TMCO4: variants seen among roughly 807,000 people sequenced by gnomAD.
TMCO4 encodes the protein transmembrane and coiled-coil domains 4.
In TMCO4, 58 loss-of-function variants were observed where a neutral mutation model predicts 64.7. That is an observed-to-expected ratio of 0.90 (90% confidence interval 0.73 to 1.12). The LOEUF (loss-of-function observed/expected upper bound fraction) is 1.12, where lower values mean the gene tolerates loss of function less well. Among genes scored for constraint, TMCO4 ranks in the 50% most tolerant of loss-of-function variants. The pLI, the probability that TMCO4 is intolerant of heterozygous loss-of-function variation, is 0.00. For missense variants in TMCO4, 780 were observed against 825.9 expected, an observed-to-expected ratio of 0.94 and a Z score of 0.68; for synonymous variants, 325 against 346.1, an observed-to-expected ratio of 0.94 and a Z score of 0.68.
chr1:19,688,530 A>G (rs1182564236), intron 15 of TMCO4, among the ~76,000 whole-genome samples: 1 of 152,130 alleles, frequency 6.6e-6, no homozygotes, highest in Non-Finnish European at 1.5e-5. Context: ...AGAGACCTAT[A>G]CCACGTGGGC....
At position 19,734,799 on chromosome 1, in the gene TMCO4, G is replaced by A. The variant is rs779715872; in HGVS notation, c.1264+2573C>T. ...CTCCCTGGGCCTGAATCCTGGCTCT[G>A]GCACTTAGGATTCTTGTGGCTTCAC... On this transcript the variant is annotated intron_variant, in intron 13 of 15. Coordinates refer to ENST00000294543, the MANE Select transcript of TMCO4 (RefSeq NM_181719.7). This position sits in a 1 kb window ranked among gnomAD's most constrained non-coding sequence, Gnocchi z 4.4. 4.6e-5 allele frequency among the ~76,000 whole-genome samples: 7 copies of A among 152,112 alleles called. No individual in the cohort carries two copies. Among genetic ancestry groups the A allele is most frequent in the Non-Finnish European group, 8.8e-5 (6 of 68,004 alleles).
chr1:19,792,935 C>A (rs976420472), intron 2 of TMCO4, among the ~76,000 whole-genome samples: 1 of 151,892 alleles, frequency 6.6e-6, no homozygotes, highest in African/African-American at 2.4e-5. Flanking sequence ...GATGCCTGGC[C>A]AAGTTTTGTA....
chr1:19,747,332 C>G, intron 7 of TMCO4, 72 bp from the exon 8 acceptor site: 1 of 1,337,152 alleles, frequency 7.5e-7, no homozygotes, highest in Non-Finnish European at 1.1e-6. Flanking sequence ...ACCACACCAA[C>G]CCTCAAACAG....
In TMCO4 at chr1:19,734,881, T is replaced by A. The variant is rs1285319693; in HGVS notation, c.1264+2491A>T. On this transcript the variant is annotated intron_variant, in intron 13 of 15. Coordinates refer to ENST00000294543, the MANE Select transcript of TMCO4 (RefSeq NM_181719.7). The surrounding 1 kb of genome is among the most constrained non-coding windows in gnomAD (Gnocchi z 4.4). ...GGAGACTGGTGGAACCTCCCTCCTGTGGCTGCAGTGAGGGAGGAATGTGAT... is the reference window on the plus strand; with the variant it reads ...GGAGACTGGTGGAACCTCCCTCCTGAGGCTGCAGTGAGGGAGGAATGTGAT... Among the ~76,000 whole-genome samples, 1 of 152,180 alleles carries A rather than the reference T, an allele frequency of 6.6e-6. No homozygotes were observed. Among genetic ancestry groups the A allele is most frequent in the Non-Finnish European group, 1.5e-5 (1 of 68,024 alleles).
chr1:19,715,430 G>A (rs1000915115), intron 13 of TMCO4, among the ~76,000 whole-genome samples: 1 of 152,138 alleles, frequency 6.6e-6, no homozygotes, highest in African/African-American at 2.4e-5. Flanking sequence ...ATTGTTTTTA[G>A]AGACTGGTTT....
intron 7 of TMCO4, among the ~76,000 whole-genome samples, chr1:19,753,262 T>C (rs1175076534): frequency 6.6e-6 from 1 of 152,152 alleles, no homozygotes; most frequent in East Asian, 1.9e-4. Flanking sequence ...GCCTGGCCTA[T>C]GTGAGCAGTA....
chr1:19,749,845 C>T (rs1157120883), intron 7 of TMCO4, among the ~76,000 whole-genome samples: 1 of 152,194 alleles, frequency 6.6e-6, no homozygotes, highest in African/African-American at 2.4e-5. Context: ...AAGAAATACA[C>T]CTTTAATCCT....
Position 19,776,443 on chromosome 1 carries a change from G to A in TMCO4, c.179+4137C>T, listed in dbSNP as rs1488980867. On this transcript the variant is annotated intron_variant, in intron 4 of 15. Coordinates refer to ENST00000294543, the MANE Select transcript of TMCO4 (RefSeq NM_181719.7). ...TGCCCTCCTAAGTAGCGCCTAGTAT[G>A]GGCCTGGCACACAGTCCAGATTCAT... Among the ~76,000 whole-genome samples, 10 of 152,272 alleles carry A rather than the reference G, an allele frequency of 6.6e-5. No individual in the cohort carries two copies. In the East Asian group the frequency reaches 1.5e-3, roughly 24 times the overall value.
At chr1:19,761,828 C>G (rs140534539) in intron 6 of TMCO4, among the ~76,000 whole-genome samples, 1 of 152,338 alleles carries the variant, frequency 6.6e-6, no homozygotes, top group African/African-American at 2.4e-5. Flanking sequence ...TGAGCTCCTC[C>G]CAGTCTGAGA....
chr1:19,695,630 C>A (rs1040067026), intron 14 of TMCO4, among the ~76,000 whole-genome samples: 2 of 152,188 alleles, frequency 1.3e-5, no homozygotes, highest in Non-Finnish European at 2.9e-5. Flanking sequence ...GTCTATGTGC[C>A]CTGCTGTGTG....
chr1:19,761,370 C>T lies in TMCO4; in HGVS notation c.383-5604G>A, dbSNP rs570065982. On this transcript the variant is annotated intron_variant, in intron 6 of 15. Coordinates refer to ENST00000294543, the MANE Select transcript of TMCO4 (RefSeq NM_181719.7). Reference sequence around the variant, plus strand: ...TAAATCAGCCCATGATCAATGGGTGCTGCAACATCCCCCCATTGCTCCTGA... The same window carrying T: ...TAAATCAGCCCATGATCAATGGGTGTTGCAACATCCCCCCATTGCTCCTGA... 3.0e-3 allele frequency among the ~76,000 whole-genome samples: 457 copies of T among 152,344 alleles called. 1 individual carries two copies. Among genetic ancestry groups the T allele is most frequent in the African/African-American group, 0.01 (431 of 41,586 alleles).
rs559423736 is a variant in TMCO4 at position 19,726,961 on chromosome 1, C to T, written c.1264+10411G>A. 1.2e-3 allele frequency among the ~76,000 whole-genome samples: 181 copies of T among 152,350 alleles called. 1 individual carries two copies. Among genetic ancestry groups the T allele is most frequent in the Non-Finnish European group, 1.4e-3 (92 of 68,040 alleles). On this transcript the variant is annotated intron_variant, in intron 13 of 15. Transcript: ENST00000294543. ...CCCCCTCCTGTGGGGTGCATCTGAA[C>T]ATGTGGCGGGACTGCTCTGAGAATC...
chr1:19,740,465 C>T (rs1432322697), intron 11 of TMCO4, among the ~76,000 whole-genome samples: 1 of 152,094 alleles, frequency 6.6e-6, no homozygotes, highest in African/African-American at 2.4e-5. Flanking sequence ...GTTGGCTGAC[C>T]CACAGGCCTA....
chr1:19,739,880 G>A lies in TMCO4; in HGVS notation c.1123C>T (p.His375Tyr), dbSNP rs1348030164. 1.9e-6 allele frequency: 3 copies of A among 1,613,914 alleles called. No homozygotes were observed. The highest frequency in any genetic ancestry group is 2.5e-6 in the Non-Finnish European group (3 of 1,179,988). The change falls in exon 12 of 16, where the codon CAT (histidine) becomes TAT (tyrosine). Residue 375 changes from histidine (H) to tyrosine (Y), a missense_variant. His to Tyr is a moderately conservative substitution (Grantham distance 83). Coordinates refer to ENST00000294543, the MANE Select transcript of TMCO4 (RefSeq NM_181719.7). ...TGCTTGCCAACCTCTGCTGATCGAT[G>A]GAGACACACCCCCCAGGGGTTGTCG... ...VIDNPWGVCL[H>Y]RSAEVGKHLA...
At chr1:19,716,237 C>A (rs796483998) in intron 13 of TMCO4, among the ~76,000 whole-genome samples, 1 of 149,764 alleles carries the variant, frequency 6.7e-6, no homozygotes, top group South Asian at 2.1e-4. Flanking sequence ...CAGGCTGGAG[C>A]GCAGTGGCAC....
chr1:19,686,037 G>A (rs1352515705), intron 15 of TMCO4, among the ~76,000 whole-genome samples: 1 of 152,186 alleles, frequency 6.6e-6, no homozygotes, highest in South Asian at 2.1e-4. Flanking sequence ...ATCCAGGCCT[G>A]TTTCTAAAGC....
At chr1:19,738,563 C>G (rs2095465910) in intron 12 of TMCO4, 1 of 152,236 alleles carries the variant, frequency 6.6e-6, no homozygotes. Flanking sequence ...TCATCTTGCT[C>G]CAGATATTGA....
chr1:19,684,041 C>T (rs2092391), intron 15 of TMCO4, among the ~76,000 whole-genome samples: 177 of 127,724 alleles, frequency 1.4e-3, no homozygotes, highest in African/African-American at 5.3e-3. Context: ...GGATTACAGG[C>T]GTGAGCCACT....
rs777797495 is a variant in TMCO4 at position 19,746,578 on chromosome 1, G to A, written c.635C>T (p.Ala212Val). 1.9e-6 allele frequency: 3 copies of A among 1,610,854 alleles called. No homozygotes were observed. The highest frequency in any genetic ancestry group is 2.2e-5 in the South Asian group (2 of 90,368). ...CGCTGCTCCAGCGGCAACAAGGGGT[G>A]CAGCTAGACCTCCAGTCACACCTGT... ...TVIGVTGGLA[A>V]PLVAAGAATI... The change falls in exon 9 of 16, where the codon GCA becomes GTA. Residue 212 changes from alanine (A) to valine (V), a missense_variant. Ala to Val is a moderately conservative substitution (Grantham distance 64). Transcript: ENST00000294543.
Sources: allele counts gnomAD v4.1 joint callset (sites outside exome capture counted in the v4.1 genomes callset), GRCh38; gene constraint gnomAD v4.1.1; non-coding constraint Gnocchi (gnomAD v3.1); transcripts MANE v1.5; gene names NCBI Gene and HGNC (gene_info 2026-07-23, HGNC 2026-07-21).